Variants in TATDN1 observed in about 807,000 individuals in gnomAD.
TATDN1 encodes TatD DNase domain containing 1.
In TATDN1, 40 loss-of-function variants were observed where a neutral mutation model predicts 46.4. The ratio of observed to expected loss-of-function variants is 0.86; its 90% confidence interval spans 0.67 to 1.12. The LOEUF is 1.12. Among genes scored for constraint, TATDN1 ranks in the 50% most tolerant of loss-of-function variants. The probability of loss-of-function intolerance (pLI) is 0.00; values close to 1 mark genes in which losing one functional copy is unlikely to be tolerated. For synonymous variants in TATDN1, 95 were observed against 105.6 expected, an observed-to-expected ratio of 0.90 and a Z score of 0.62; for missense variants, 326 against 348.4, an observed-to-expected ratio of 0.94 and a Z score of 0.51.
At position 124,504,305 on chromosome 8, in the gene TATDN1, T is replaced by G; in HGVS notation, c.559A>C (p.Ile187Leu). 6.2e-7 allele frequency: 1 copy of G among 1,608,944 alleles called. No individual in the cohort carries two copies. The highest frequency in any genetic ancestry group is 8.5e-7 in the Non-Finnish European group (1 of 1,177,894). Residue 187 changes from isoleucine to leucine, a missense_variant, in exon 9 of 12, where the codon ATT becomes CTT. Physicochemically the swap from Ile to Leu is conservative, Grantham distance 5. Transcript: ENST00000276692. ...AATCCTATATAAAGATCCAAGTCAA[T>G]CAAAGCAGCTGCTGCTTCCTTGGTA... is the stretch of plus-strand genomic sequence containing the variant. ...DGTKEAAAALIDLDLYIGFNG... is the reference protein window; with the variant it reads ...DGTKEAAAALLDLDLYIGFNG...
At chr8:124,521,407 TG>T (rs1214658740) in intron 3 of TATDN1, among the ~76,000 whole-genome samples, 1 of 152,160 alleles carries the variant, frequency 6.6e-6, no homozygotes, top group Non-Finnish European at 1.5e-5. Context: ...AGAAAAGCAT[TG>T]TTTAAAGTGA....
At chr8:124,530,522 C>T (rs1820865383) in intron 1 of TATDN1, among the ~76,000 whole-genome samples, 1 of 152,148 alleles carries the variant, frequency 6.6e-6, no homozygotes, top group African/African-American at 2.4e-5. Flanking sequence ...AGCCATTTAA[C>T]AATTCAGAAA....
chr8:124,510,924 G>A (rs879401609), intron 6 of TATDN1, among the ~76,000 whole-genome samples: 3 of 152,106 alleles, frequency 2.0e-5, no homozygotes, highest in African/African-American at 4.8e-5. Flanking sequence ...TGCTAGCTAC[G>A]TATCATAAAG....
chr8:124,499,324 G>A (rs1190228943), intron 9 of TATDN1, among the ~76,000 whole-genome samples: 6 of 151,920 alleles, frequency 3.9e-5, no homozygotes, highest in Non-Finnish European at 8.8e-5. Flanking sequence ...AGTATATTTA[G>A]AACTTTTCAC....
chr8:124,506,176 A>G (rs894344442), intron 8 of TATDN1, among the ~76,000 whole-genome samples: 2 of 151,794 alleles, frequency 1.3e-5, no homozygotes, highest in African/African-American at 4.8e-5. Context: ...CTCTACTGAA[A>G]ATACAAAAAT....
rs144789106 is a variant in TATDN1, at chr8:124,496,309, T to C, written c.594-767A>G. ...CAAAATTCTACACCATAGTGGTAGG[T>C]ACGTTTATCATTGATGAACCTACCT... is the stretch of plus-strand genomic sequence containing the variant. On this transcript the variant is annotated intron_variant, in intron 9 of 11. Coordinates refer to ENST00000276692, the MANE Select transcript of TATDN1 (RefSeq NM_032026.4). Among the ~76,000 whole-genome samples, 70 of 152,320 alleles carry C rather than the reference T, an allele frequency of 4.6e-4. No homozygotes were observed. The East Asian group carries it at 0.012, about 26-fold the overall frequency.
intron 9 of TATDN1, among the ~76,000 whole-genome samples, chr8:124,496,453 A>ATC (rs1817475972): frequency 1.3e-5 from 2 of 152,148 alleles, no homozygotes; most frequent in South Asian, 4.1e-4. Context: ...TATCATACTG[A>ATC]ATAGTTTCAC....
chr8:124,509,374 C>A (rs1818808867), intron 6 of TATDN1, among the ~76,000 whole-genome samples: 3 of 152,162 alleles, frequency 2.0e-5, no homozygotes, highest in Admixed American at 2.0e-4. Context: ...AATTCCAAGT[C>A]CCAGCCTAAA....
intron 2 of TATDN1, 137 bp downstream of exon 2, chr8:124,522,800 C>T: frequency 1.3e-6 from 1 of 741,846 alleles, no homozygotes; most frequent in Admixed American, 2.3e-5. Flanking sequence ...GGCAATCCTC[C>T]TGCCTCAGAC....
At chr8:124,508,711 A>C in intron 6 of TATDN1, 23 bp from the exon 7 acceptor site, 1 of 1,372,812 alleles carries the variant, frequency 7.3e-7, no homozygotes, top group South Asian at 1.4e-5. Flanking sequence ...AAAAAAAAAA[A>C]TTCTCATTAC....
chr8:124,538,478 C>T (rs1171437461), intron 1 of TATDN1: 1 of 157,638 alleles, frequency 6.3e-6, no homozygotes, highest in Non-Finnish European at 1.4e-5. Flanking sequence ...TTGCCAAGTA[C>T]AGTTTGTTTT....
chr8:124,495,312 A>G (rs1817370874), intron 10 of TATDN1, 160 bp downstream of exon 10: 1 of 632,216 alleles, frequency 1.6e-6, no homozygotes, highest in Non-Finnish European at 2.7e-6. Context: ...TTTTTCCATT[A>G]ATAACCCCCA....
chr8:124,509,428 C>T (rs745673871), intron 6 of TATDN1, among the ~76,000 whole-genome samples: 17 of 152,252 alleles, frequency 1.1e-4, no homozygotes, highest in Middle Eastern at 3.4e-3. Flanking sequence ...CTTCTGGTCC[C>T]GGAGTATAAT....
rs1008637018 is a variant in TATDN1 at position 124,503,987 on chromosome 8, G to C, written c.593+284C>G. 54 of 1,283,422 alleles carry C rather than the reference G, an allele frequency of 4.2e-5. 1 individual carries two copies. The African/African-American group carries it at 7.6e-4, about 18-fold the overall frequency. 79.5% of individuals were successfully genotyped at this position (1,283,422 alleles called of 1,614,324 possible). On this transcript the variant is annotated intron_variant, in intron 9 of 11. Transcript: ENST00000276692. ...ATGTTTTCAAGGGATCAAATGACCTGAGAATAAATTGGATTACCAGAGAAA... is the reference window on the plus strand; with the variant it reads ...ATGTTTTCAAGGGATCAAATGACCTCAGAATAAATTGGATTACCAGAGAAA...
intron 3 of TATDN1, among the ~76,000 whole-genome samples, chr8:124,519,938 G>A (rs951545791): frequency 6.6e-6 from 1 of 151,950 alleles, no homozygotes; most frequent in Non-Finnish European, 1.5e-5. Flanking sequence ...GTATAATGAT[G>A]TATATTTTTG....
At chr8:124,497,196 G>A (rs1398453117) in intron 9 of TATDN1, among the ~76,000 whole-genome samples, 1 of 152,034 alleles carries the variant, frequency 6.6e-6, no homozygotes, top group Non-Finnish European at 1.5e-5. Flanking sequence ...AGCTGTTCAC[G>A]CTGTGGAGTG....
At chr8:124,517,914 A>C (rs1819627154) in intron 4 of TATDN1, among the ~76,000 whole-genome samples, 2 of 152,168 alleles carry the variant, frequency 1.3e-5, no homozygotes, top group Admixed American at 6.5e-5. Context: ...ATTCCACATC[A>C]AAAACACCTG....
Position 124,511,982 on chromosome 8 carries a change from T to C in TATDN1, c.390-3294A>G, listed in dbSNP as rs558386274. On this transcript the variant is annotated intron_variant, in intron 6 of 11. Transcript: ENST00000276692. ...AAAGATCTGCTGATTCCAAAGCTCA[T>C]CCTTTTAACATGGTCATACACCGCC... is the stretch of plus-strand genomic sequence containing the variant. 9.2e-5 allele frequency among the ~76,000 whole-genome samples: 14 copies of C among 152,330 alleles called. No homozygotes were observed. In the South Asian group the frequency reaches 2.9e-3, roughly 32 times the overall value.
chr8:124,522,755 A>G (rs1486925586), intron 2 of TATDN1, among the ~76,000 whole-genome samples, 182 bp downstream of exon 2: 1 of 151,694 alleles, frequency 6.6e-6, no homozygotes, highest in Non-Finnish European at 1.5e-5. Flanking sequence ...AGAGCGGATT[A>G]TGTTGCCCAG....
Sources: allele counts gnomAD v4.1 joint callset (sites outside exome capture counted in the v4.1 genomes callset), GRCh38; gene constraint gnomAD v4.1.1; transcripts MANE v1.5; gene names NCBI Gene and HGNC (gene_info 2026-07-23, HGNC 2026-07-21).